DLGAP2: variants seen among roughly 807,000 people sequenced by gnomAD.
DLGAP2 encodes DLG associated protein 2, also known as disks large-associated protein 2.
Under a neutral mutation model 100.3 loss-of-function variants are expected in DLGAP2, and 26 were observed. That is an observed-to-expected ratio of 0.26 (90% CI 0.19 to 0.36). DLGAP2 has a LOEUF of 0.36. Ranked by LOEUF, DLGAP2 falls within the 10% of genes least tolerant of loss-of-function variation. The pLI is 1.00. For missense variants in DLGAP2, 1,858 were observed against 1,453.2 expected (o/e 1.28, Z -4.53); for synonymous variants, 886 against 630.1 (o/e 1.41, Z -6.08).
Position 1,469,084 on chromosome 8 carries a change from C to G in DLGAP2, c.107-32282C>G, listed in dbSNP as rs749985075. Reference sequence around the variant, plus strand: ...GACACAGTTCAACGCATGACATGTCCTGTCATTCATTCTATGAAAGAAATC... The same window carrying G: ...GACACAGTTCAACGCATGACATGTCGTGTCATTCATTCTATGAAAGAAATC... On this transcript the variant is annotated intron_variant, in intron 3 of 14. Transcript: ENST00000637795. 7.2e-5 allele frequency among the ~76,000 whole-genome samples: 11 copies of G among 151,984 alleles called. No individual in the cohort carries two copies. The South Asian group carries it at 2.3e-3, about 31-fold the overall frequency.
rs60876318 is a variant in DLGAP2, at chr8:1,259,983, C to G, written c.106+1100C>G. On this transcript the variant is annotated intron_variant, in intron 3 of 14. Transcript: ENST00000637795. ...GTACATTTTTAAATCATAAGCTTCA[C>G]TTTTATGCAAAACATCAGACTTTGG... 2.2e-4 allele frequency among the ~76,000 whole-genome samples: 34 copies of G among 152,270 alleles called. No homozygotes were observed. In the East Asian group the frequency reaches 6.2e-3, roughly 28 times the overall value.
chr8:961,721 T>G (rs1168438440), intron 2 of DLGAP2, among the ~76,000 whole-genome samples: 1 of 152,226 alleles, frequency 6.6e-6, no homozygotes, highest in Non-Finnish European at 1.5e-5. Flanking sequence ...TATGTGAAAA[T>G]TATGGGAGAT....
At chr8:1,160,931 G>A (rs1045603615) in intron 2 of DLGAP2, among the ~76,000 whole-genome samples, 1 of 152,136 alleles carries the variant, frequency 6.6e-6, no homozygotes, top group Non-Finnish European at 1.5e-5. Context: ...TTCACCTAAG[G>A]AATTATTTTA....
intron 2 of DLGAP2, among the ~76,000 whole-genome samples, chr8:1,176,972 A>G (rs1390378364): frequency 6.6e-6 from 1 of 152,210 alleles, no homozygotes; most frequent in Non-Finnish European, 1.5e-5. Context: ...GTCACGGTTC[A>G]CACAAGCGGT....
chr8:1,180,025 T>A (rs1486410158), intron 2 of DLGAP2, among the ~76,000 whole-genome samples: 1 of 152,166 alleles, frequency 6.6e-6, no homozygotes, highest in Non-Finnish European at 1.5e-5. Flanking sequence ...AACACATAAT[T>A]TTTTTATTTG....
In DLGAP2 at chr8:1,001,798, G is replaced by C. The variant is rs143374056; in HGVS notation, c.73+93832G>C. 6.0e-4 allele frequency among the ~76,000 whole-genome samples: 92 copies of C among 152,180 alleles called. 1 individual carries two copies. The East Asian group carries it at 0.014, about 23-fold the overall frequency. On this transcript the variant is annotated intron_variant, in intron 2 of 14. Transcript: ENST00000637795. ...CCCCAAATTTCCATTACAATTTCAA[G>C]AACAAGGAACAAGGAAGAAATCTTG...
chr8:1,385,215 CCTATGCCCGTCCCCTGAGAACTTGGTGGA>C, intron 3 of DLGAP2, among the ~76,000 whole-genome samples: 1 of 64,008 alleles, frequency 1.6e-5, no homozygotes, highest in African/African-American at 5.4e-5. Flanking sequence ...GTTACCCCGG[CCTATGCCCGTCCCCTGAGAACTTGGTGGA>C]CAGTTACCCG....
At chr8:1,468,701 G>A (rs1252005542) in intron 3 of DLGAP2, among the ~76,000 whole-genome samples, 1 of 152,204 alleles carries the variant, frequency 6.6e-6, no homozygotes, top group African/African-American at 2.4e-5. Flanking sequence ...CCTGGGCAGT[G>A]TAAACCACAG....
intron 8 of DLGAP2, among the ~76,000 whole-genome samples, chr8:1,660,123 C>A (rs1798376364): frequency 1.3e-5 from 2 of 152,004 alleles, no homozygotes; most frequent in African/African-American, 4.8e-5. Flanking sequence ...GTTTGGTTGC[C>A]TGTGAAATTC....
rs564333809 is a variant in DLGAP2, at chr8:1,022,456, T to TA, written c.73+114491dup. On this transcript the variant is annotated intron_variant, in intron 2 of 14. Transcript: ENST00000637795. The stretch of plus-strand genomic sequence containing the variant: ...GGGAGTGGACGGTCCCGTGCCAAGG[T>TA]AGACACTCCAGCCGCCATCCATCCT... 1.5e-4 allele frequency among the ~76,000 whole-genome samples: 21 copies of TA among 141,880 alleles called. No individual in the cohort carries two copies. In the South Asian group the frequency reaches 3.4e-3, roughly 23 times the overall value. 93.1% of individuals were successfully genotyped at this position (141,880 alleles called of 152,430 possible). A position where few individuals can be genotyped will look rare whatever the true frequency, so the allele number is the denominator to read the frequency against.
chr8:937,297 T>G (rs1159097029), intron 2 of DLGAP2, among the ~76,000 whole-genome samples: 1 of 152,226 alleles, frequency 6.6e-6, no homozygotes, highest in Admixed American at 6.5e-5. Flanking sequence ...CATGCCCATA[T>G]TTCACCATAT....
At chr8:1,095,367 C>G (rs1804332901) in intron 2 of DLGAP2, among the ~76,000 whole-genome samples, 2 of 152,206 alleles carry the variant, frequency 1.3e-5, no homozygotes, top group Admixed American at 6.5e-5. Flanking sequence ...TGGTCCCACC[C>G]CTGTCCGCAG....
At chr8:1,132,171 G>A (rs1026016112) in intron 2 of DLGAP2, among the ~76,000 whole-genome samples, 4 of 152,106 alleles carry the variant, frequency 2.6e-5, no homozygotes, top group East Asian at 3.8e-4. Flanking sequence ...ATCTACTGTC[G>A]TATTTAAAAG....
At chr8:1,322,527 A>G (rs1270239276) in intron 3 of DLGAP2, among the ~76,000 whole-genome samples, 1 of 151,624 alleles carries the variant, frequency 6.6e-6, no homozygotes, top group Non-Finnish European at 1.5e-5. Context: ...GTGGAAATGC[A>G]TGCACCCACC....
At chr8:1,136,924 T>G (rs1255491173) in intron 2 of DLGAP2, among the ~76,000 whole-genome samples, 1 of 152,200 alleles carries the variant, frequency 6.6e-6, no homozygotes, top group Non-Finnish European at 1.5e-5. Flanking sequence ...AGGTATTCTG[T>G]TTGTGCTGCT....
chr8:1,157,918 G>A (rs576880969), intron 2 of DLGAP2, among the ~76,000 whole-genome samples: 6 of 152,286 alleles, frequency 3.9e-5, no homozygotes, highest in East Asian at 3.9e-4. Flanking sequence ...CCTTGTGTAC[G>A]TCAACAGTTA....
intron 3 of DLGAP2, among the ~76,000 whole-genome samples, chr8:1,274,318 CAG>C (rs1377556439): frequency 1.3e-5 from 2 of 152,156 alleles, no homozygotes; most frequent in African/African-American, 4.8e-5. Flanking sequence ...TGCCCCCACA[CAG>C]ACTCTCATGT....
chr8:961,363 C>T (rs1799721053), intron 2 of DLGAP2, among the ~76,000 whole-genome samples: 1 of 151,030 alleles, frequency 6.6e-6, no homozygotes, highest in African/African-American at 2.4e-5. Flanking sequence ...TCCAGTTTGA[C>T]TCCACACAAT....
At chr8:1,555,167 C>G (rs1801918973) in intron 5 of DLGAP2, among the ~76,000 whole-genome samples, 1 of 152,138 alleles carries the variant, frequency 6.6e-6, no homozygotes, top group Non-Finnish European at 1.5e-5. Flanking sequence ...GGAGGAGCTT[C>G]TCATCCCCTT....
Sources: gnomAD v4.1 joint callset for allele counts (sites outside exome capture counted in the v4.1 genomes callset) on GRCh38, gnomAD v4.1.1 for gene constraint, MANE v1.5 for transcripts, NCBI Gene and HGNC (gene_info 2026-07-23, HGNC 2026-07-21) for gene names.